Variants in RBFOX1 observed in about 807,000 individuals in gnomAD.
RBFOX1 encodes RNA binding fox-1 homolog 1, also known as RNA binding protein fox-1 homolog 1.
Under a neutral mutation model 57.7 loss-of-function variants are expected in RBFOX1, and 8 were observed. The observed-to-expected ratio is 0.14, with a 90% CI of 0.08 to 0.25. The LOEUF is 0.25. Ranked by LOEUF, RBFOX1 falls within the 10% of genes least tolerant of loss-of-function variation. The pLI is 1.00. For missense variants in RBFOX1, 611 were observed against 548.5 expected (o/e 1.11, Z -1.14); for synonymous variants, 326 against 222.4 (o/e 1.47, Z -4.15).
chr16:6,784,159 C>T (rs1228271903), intron 3 of RBFOX1, among the ~76,000 whole-genome samples: 1 of 151,956 alleles, frequency 6.6e-6, no homozygotes, highest in East Asian at 1.9e-4. Flanking sequence ...CCTGGATATT[C>T]ACTGGGTTTG....
intron 1 of RBFOX1, among the ~76,000 whole-genome samples, chr16:5,297,983 A>T (rs940652315): frequency 2.6e-5 from 4 of 152,170 alleles, no homozygotes; most frequent in African/African-American, 9.7e-5. Flanking sequence ...TTTGTAGGCA[A>T]CAGTGTCCAG....
chr16:7,226,867 C>G (rs184069317), intron 4 of RBFOX1, among the ~76,000 whole-genome samples: 62 of 152,260 alleles, frequency 4.1e-4, no homozygotes, highest in Non-Finnish European at 2.9e-4. Context: ...GGCTCACAGG[C>G]AAATGGACTT....
intron 1 of RBFOX1, among the ~76,000 whole-genome samples, chr16:5,277,962 G>C (rs1224223912): frequency 1.3e-5 from 2 of 152,084 alleles, no homozygotes; most frequent in East Asian, 1.9e-4. Flanking sequence ...GTAAATATGG[G>C]GGTACGGGTA....
chr16:6,579,535 T>A (rs2097502261), intron 2 of RBFOX1, among the ~76,000 whole-genome samples: 2 of 152,144 alleles, frequency 1.3e-5, no homozygotes, highest in Admixed American at 1.3e-4. Flanking sequence ...CCTAATGGTT[T>A]TGTAACGGGC....
At chr16:5,433,202 G>C (rs542174582) in intron 1 of RBFOX1, among the ~76,000 whole-genome samples, 3 of 152,134 alleles carry the variant, frequency 2.0e-5, no homozygotes, top group African/African-American at 7.2e-5. Flanking sequence ...GTTTTTCTTT[G>C]CCTCCTTGAT....
At chr16:5,262,333 T>C (rs973190858) in intron 1 of RBFOX1, among the ~76,000 whole-genome samples, 2 of 152,210 alleles carry the variant, frequency 1.3e-5, no homozygotes, top group Admixed American at 1.3e-4. Flanking sequence ...TAACATTTAA[T>C]TGGTAGACTG....
Position 6,023,810 on chromosome 16 carries a change from G to A in RBFOX1, c.-127+3818G>A, listed in dbSNP as rs188564075. Among the ~76,000 whole-genome samples, 372 of 152,208 alleles carry A rather than the reference G, an allele frequency of 2.4e-3. 2 individuals are homozygous for A. The highest frequency in any genetic ancestry group is 3.0e-3 in the Non-Finnish European group (207 of 68,008). On this transcript the variant is annotated intron_variant, in intron 1 of 15. Transcript: ENST00000550418. ...TGTCGTGCCGGAGACCTCAAACACCGAGGCGACGTTTTTAAAGAAGCCACG... is the reference window on the plus strand; with the variant it reads ...TGTCGTGCCGGAGACCTCAAACACCAAGGCGACGTTTTTAAAGAAGCCACG...
At chr16:6,841,656 G>C (rs979737347) in intron 3 of RBFOX1, among the ~76,000 whole-genome samples, 4 of 152,120 alleles carry the variant, frequency 2.6e-5, no homozygotes, top group Non-Finnish European at 5.9e-5. Flanking sequence ...CTCTTGAGTA[G>C]TAACAGAGTG....
intron 4 of RBFOX1, among the ~76,000 whole-genome samples, chr16:7,215,598 T>G (rs756762020): frequency 1.3e-5 from 2 of 152,148 alleles, no homozygotes; most frequent in Non-Finnish European, 2.9e-5. Context: ...CATGACCACA[T>G]TCTAAATTTA....
intron 1 of RBFOX1, among the ~76,000 whole-genome samples, chr16:6,191,229 G>A (rs1172240261): frequency 1.3e-5 from 2 of 151,598 alleles, no homozygotes; most frequent in South Asian, 2.1e-4. Context: ...ATTTTCAAGC[G>A]GTGTTTTACC....
In RBFOX1 at chr16:7,341,772, CTCCCTCCTTCCTTCCTTCCTTCCT is replaced by C. The variant is rs1568306390; in HGVS notation, c.28-176371_28-176348del. Among the ~76,000 whole-genome samples the C allele has an allele frequency of 1.8e-3, 149 of 82,372 alleles. 1 individual carries two copies. The highest frequency in any genetic ancestry group is 8.4e-3 in the African/African-American group (138 of 16,454). The allele number at this position is 82,372 out of a possible 152,430, so 54.0% of individuals were successfully genotyped here. On this transcript the variant is annotated intron_variant, in intron 4 of 15. Coordinates refer to ENST00000550418, the MANE Select transcript of RBFOX1 (RefSeq NM_018723.4). ...CCTCCCTCCTTCCCTCCTTCCCTCC[CTCCCTCCTTCCTTCCTTCCTTCCT>C]TCCTTCCTTCCTTCCTTCCTTCCTT...
At chr16:7,445,855 G>A (rs948081781) in intron 4 of RBFOX1, among the ~76,000 whole-genome samples, 37 of 152,120 alleles carry the variant, frequency 2.4e-4, no homozygotes, top group African/African-American at 8.7e-4. Flanking sequence ...CATTGAAGTG[G>A]GTTAATAAAT....
chr16:7,165,613 G>A lies in RBFOX1; in HGVS notation c.27+113515G>A, dbSNP rs58455412. 9.7e-3 allele frequency among the ~76,000 whole-genome samples: 1,471 copies of A among 151,704 alleles called. 25 individuals are homozygous for A. Among genetic ancestry groups the A allele is most frequent in the African/African-American group, 0.034 (1,394 of 41,388 alleles). On this transcript the variant is annotated intron_variant, in intron 4 of 15. Coordinates refer to ENST00000550418, the MANE Select transcript of RBFOX1 (RefSeq NM_018723.4). ...CCCGGCTAATTTTGTATTTTTAGTA[G>A]AGATGAAGTTTCTCCACGTTGGTCA...
intron 4 of RBFOX1, among the ~76,000 whole-genome samples, chr16:7,391,305 G>A (rs1475482589): frequency 1.3e-5 from 2 of 152,154 alleles, no homozygotes; most frequent in East Asian, 3.9e-4. Flanking sequence ...ATGTGCCCTG[G>A]TTTGTAAAAG....
At chr16:6,803,108 C>G (rs1051975525) in intron 3 of RBFOX1, among the ~76,000 whole-genome samples, 1 of 152,052 alleles carries the variant, frequency 6.6e-6, no homozygotes, top group African/African-American at 2.4e-5. Context: ...TCTGCAGACT[C>G]AAAACCTCTG....
Position 6,317,036 on chromosome 16 carries a change from C to A in RBFOX1, c.-85C>A, listed in dbSNP as rs1445281717. On this transcript the variant is annotated 5_prime_UTR_variant, in exon 2 of 16. Coordinates refer to ENST00000550418, the MANE Select transcript of RBFOX1 (RefSeq NM_018723.4). ...CTCATGCAAGTGGAACTTACAGCTT[C>A]CTTGATCGGACTCAGCATTCAGTAA... is the stretch of plus-strand genomic sequence containing the variant. 52 of 1,535,454 alleles carry A rather than the reference C, an allele frequency of 3.4e-5. No individual in the cohort carries two copies. Among genetic ancestry groups the A allele is most frequent in the Non-Finnish European group, 4.4e-5 (51 of 1,146,468 alleles).
rs142107127 is a variant in RBFOX1 at position 5,323,285 on chromosome 16, C to T, written c.219+83180C>T. On this transcript the variant is annotated intron_variant, in intron 1 of 2. Coordinates refer to the RBFOX1 transcript ENST00000585867. ...GTGCTTACCTTTACTATGGGCGATGCACATTCTTTCTTTCCTTTCTCCTCC... is the reference window on the plus strand; with the variant it reads ...GTGCTTACCTTTACTATGGGCGATGTACATTCTTTCTTTCCTTTCTCCTCC... 4.4e-3 allele frequency among the ~76,000 whole-genome samples: 663 copies of T among 152,310 alleles called. 5 individuals are homozygous for T. Among genetic ancestry groups the T allele is most frequent in the African/African-American group, 0.016 (652 of 41,564 alleles).
chr16:6,097,644 A>T lies in RBFOX1; in HGVS notation c.-127+77652A>T, dbSNP rs9806914. ...GAGTCAGTAGGAGGAAAAGTGATTG[A>T]CTCAAGTGCTTAATAAGTGTCTAAG... On this transcript the variant is annotated intron_variant, in intron 1 of 15. Coordinates refer to ENST00000550418, the MANE Select transcript of RBFOX1 (RefSeq NM_018723.4). This position sits in a 1 kb window ranked among gnomAD's most constrained non-coding sequence, Gnocchi z 5.0. 6.6e-6 allele frequency among the ~76,000 whole-genome samples: 1 copy of T among 151,986 alleles called. No homozygotes were observed. Among genetic ancestry groups the T allele is most frequent in the Non-Finnish European group, 1.5e-5 (1 of 67,988 alleles).
intron 1 of RBFOX1, among the ~76,000 whole-genome samples, chr16:5,372,875 A>G (rs745415793): frequency 2.0e-5 from 3 of 152,246 alleles, no homozygotes; most frequent in Non-Finnish European, 4.4e-5. Context: ...TTTTTGAATC[A>G]AAACACACTC....
Sources: allele counts gnomAD v4.1 joint callset (sites outside exome capture counted in the v4.1 genomes callset), GRCh38; gene constraint gnomAD v4.1.1; non-coding constraint Gnocchi (gnomAD v3.1); transcripts MANE v1.5; gene names NCBI Gene and HGNC (gene_info 2026-07-23, HGNC 2026-07-21).